The following TOMT variants were observed in gnomAD, a reference collection of about 807,000 sequenced individuals.
TOMT encodes the protein transmembrane O-methyltransferase.
A neutral mutation model predicts 21.7 loss-of-function variants in TOMT; 23 were observed. The observed-to-expected ratio is 1.06, with a 90% CI of 0.76 to 1.50. The LOEUF (loss-of-function observed/expected upper bound fraction) is 1.50. TOMT is among the 40% of genes most tolerant of loss of function. The probability of loss-of-function intolerance (pLI) is 0.00; values close to 1 mark genes in which losing one functional copy is unlikely to be tolerated. For missense variants in TOMT, 331 were observed against 348.7 expected, an observed-to-expected ratio of 0.95 and a Z score of 0.41; for synonymous variants, 132 against 150.8, an observed-to-expected ratio of 0.88 and a Z score of 0.91.
rs137853187 is a variant in TOMT, at chr11:72,106,180, G to A, written c.229G>A (p.Glu77Lys). The A allele has an allele frequency of 1.6e-5, 24 of 1,513,560 alleles. No homozygotes were observed. Among genetic ancestry groups the A allele is most frequent in the African/African-American group, 9.6e-5 (7 of 72,562 alleles). 93.8% of individuals were successfully genotyped at this position (1,513,560 alleles called of 1,614,324 possible). ...CCTGGACCACTGGAGCAGCCGCTGC[G>A]AGTACTTGAGCCACATGGGGCCTGT... Residue 77 changes from glutamate to lysine, a missense_variant, in exon 1 of 3, where the codon GAG (glutamate) becomes AAG (lysine). Glu to Lys is a moderately conservative substitution (Grantham distance 56, BLOSUM62 1). Coordinates refer to ENST00000541899, the Ensembl canonical transcript of TOMT.
exon 3 of TOMT, chr11:72,108,928 TCCAGGC>T (rs1373334730): frequency 2.6e-6 from 4 of 1,520,748 alleles, no homozygotes; most frequent in Non-Finnish European, 3.5e-6. Flanking sequence ...CAGGCTGAGG[TCCAGGC>T]CCAGGGGTAC....
exon 3 of TOMT, chr11:72,109,092 G>A (rs1335984193): frequency 3.2e-6 from 2 of 624,124 alleles, no homozygotes; most frequent in South Asian, 2.1e-5. Context: ...CTGACCTCAA[G>A]TGTCAAGTTC....
chr11:72,108,737 G>C lies in TOMT; in HGVS notation c.589G>C (p.Ala197Pro). Residue 197 changes from alanine to proline, a missense_variant, in exon 3 of 3, where the codon GCC becomes CCC. By Grantham distance (27) the Ala-to-Pro change is conservative. Coordinates refer to ENST00000541899, the Ensembl canonical transcript of TOMT. ...CCTGAGGGACCTGCAGCTGCTGGAG[G>C]CCCATGCCCTACTGCCAGCAGGTGC... 3 of 1,550,410 alleles carry C rather than the reference G, an allele frequency of 1.9e-6. 1 individual carries two copies. The highest frequency in any genetic ancestry group is 2.0e-5 in the Admixed American group (1 of 50,996).
intron 1 of TOMT, chr11:72,106,445 C>T (rs767941990): frequency 7.0e-6 from 3 of 427,216 alleles, no homozygotes; most frequent in Non-Finnish European, 1.2e-5. Flanking sequence ...GGGGTAGAGG[C>T]CACAGAGATG....
At chr11:72,106,394 C>T in intron 1 of TOMT, 184 bp downstream of exon 1, 1 of 622,514 alleles carries the variant, frequency 1.6e-6, no homozygotes, top group Non-Finnish European at 2.5e-6. Flanking sequence ...ACATTTATTG[C>T]CACCTCTTTT....
At chr11:72,108,025 C>A in exon 2 of TOMT, 1 of 1,551,592 alleles carries the variant, frequency 6.4e-7, no homozygotes, top group Non-Finnish European at 8.7e-7. Flanking sequence ...CGAGCCCTGC[C>A]CCCTGGGGGT....
At chr11:72,106,960 A>C (rs1945749986) in intron 1 of TOMT, 1 of 153,916 alleles carries the variant, frequency 6.5e-6, no homozygotes. Context: ...AAAAAAAAGA[A>C]AAAGAAAAGA....
downstream of TOMT, chr11:72,109,556 GC>G: frequency 2.2e-6 from 1 of 453,534 alleles, no homozygotes; most frequent in Non-Finnish European, 4.1e-6. Flanking sequence ...ACTCCTCTGG[GC>G]CCCACCAACA....
intron 1 of TOMT, 129 bp downstream of exon 1, chr11:72,106,339 C>A: frequency 9.9e-7 from 1 of 1,007,764 alleles, no homozygotes; most frequent in Non-Finnish European, 1.3e-6. Context: ...TCTTTTTTTT[C>A]TCATCTGGAA....
intron 2 of TOMT, 42 bp downstream of exon 2, chr11:72,108,161 G>T: frequency 6.9e-7 from 1 of 1,449,226 alleles, no homozygotes; most frequent in Non-Finnish European, 9.1e-7. Context: ...TGTCACCCCA[G>T]GCCTTGCCCC....
chr11:72,106,695 C>T (rs1234172424), intron 1 of TOMT: 1 of 152,734 alleles, frequency 6.5e-6, no homozygotes, highest in African/African-American at 2.4e-5. Flanking sequence ...AATCCCAGCA[C>T]TTTGAGAGGC....
chr11:72,108,712 C>T (rs1945995887), exon 3 of TOMT: 3 of 1,549,540 alleles, frequency 1.9e-6, no homozygotes, highest in South Asian at 1.2e-5. Flanking sequence ...CACGATGTTA[C>T]CTGAGGGACC....
intron 1 of TOMT, 173 bp from the exon 2 acceptor site, chr11:72,107,750 C>G: frequency 1.5e-6 from 1 of 669,098 alleles, no homozygotes; most frequent in Non-Finnish European, 2.6e-6. Context: ...GGTGTGAAGA[C>G]TACACTGTAG....
exon 1 of TOMT, chr11:72,106,083 G>T: frequency 7.7e-6 from 12 of 1,550,142 alleles, no homozygotes; most frequent in Non-Finnish European, 1.0e-5. Context: ...CAGGGCTGCG[G>T]ATCGAGGAGC....
exon 2 of TOMT, chr11:72,108,116 C>T (rs1945893100): frequency 6.7e-7 from 1 of 1,502,734 alleles, no homozygotes; most frequent in Non-Finnish European, 8.9e-7. Flanking sequence ...TTGATGAGCA[C>T]ATGGTCAGCC....
chr11:72,107,276 T>C, intron 1 of TOMT: 1 of 600,676 alleles, frequency 1.7e-6, no homozygotes, highest in East Asian at 2.8e-5. Flanking sequence ...CAAAAATAAA[T>C]AAATAAAAGT....
intron 1 of TOMT, chr11:72,107,331 G>T: frequency 1.6e-6 from 1 of 617,706 alleles, no homozygotes; most frequent in South Asian, 1.8e-5. Flanking sequence ...AGCAATAAAA[G>T]GGGAATGAAA....
Position 72,107,963 on chromosome 11 carries a change from T to G in TOMT, c.300T>G (p.Ala100=), listed in dbSNP as rs1372207779. 5.8e-6 allele frequency: 9 copies of G among 1,551,584 alleles called. No homozygotes were observed. Among genetic ancestry groups the G allele is most frequent in the Non-Finnish European group, 7.8e-6 (9 of 1,146,982 alleles). Residue 100 remains alanine, a synonymous_variant, in exon 2 of 3, where the codon GCT becomes GCG. Coordinates refer to ENST00000541899, the Ensembl canonical transcript of TOMT. ...GGCTGGTGGAGGAGAAGGCCCCTGCTTGTGTGCTGGAATTGGGAACCTACT... is the reference window on the plus strand; with the variant it reads ...GGCTGGTGGAGGAGAAGGCCCCTGCGTGTGTGCTGGAATTGGGAACCTACT...
chr11:72,108,551 G>A (rs1048952330), intron 2 of TOMT, 54 bp from the exon 3 acceptor site: 2 of 1,414,882 alleles, frequency 1.4e-6, no homozygotes, highest in African/African-American at 2.9e-5. Flanking sequence ...GTGGGGTCTT[G>A]ACTGGGAGAA....
Sources: gnomAD v4.1 joint callset for allele counts on GRCh38, gnomAD v4.1.1 for gene constraint, MANE v1.5 for transcripts, NCBI Gene and HGNC (gene_info 2026-07-23, HGNC 2026-07-21) for gene names.